RASEF: variants seen among roughly 807,000 people sequenced by gnomAD.
The protein encoded by RASEF is RAS and EF-hand domain containing, also known as ras and EF-hand domain-containing protein.
In RASEF, 68 loss-of-function variants were observed where a neutral mutation model predicts 90.1. The ratio of observed to expected loss-of-function variants is 0.75; its 90% CI spans 0.62 to 0.92. RASEF has a LOEUF of 0.92. RASEF is among the 40% of genes least tolerant of loss of function. RASEF has a pLI of 0.00. For synonymous variants in RASEF, 331 were observed against 345.2 expected (o/e 0.96, Z 0.46); for missense variants, 949 against 937.2 (o/e 1.01, Z -0.16).
At chr9:83,070,942 A>G in the RASEF span, among the ~76,000 whole-genome samples, 4 of 152,304 alleles carry the variant, frequency 2.6e-5, no homozygotes, top group East Asian at 5.8e-4. Flanking sequence ...ATAAAAATTC[A>G]GTTGATTTTT....
chr9:82,988,249 A>AGCTG (rs1474519796), intron 16 of RASEF, among the ~76,000 whole-genome samples: 1 of 152,240 alleles, frequency 6.6e-6, no homozygotes, highest in Non-Finnish European at 1.5e-5. Context: ...GAGCCAAAAT[A>AGCTG]GCTGGTGTTC....
At chr9:83,140,422 G>T in the RASEF span, among the ~76,000 whole-genome samples, 1 of 152,164 alleles carries the variant, frequency 6.6e-6, no homozygotes, top group Non-Finnish European at 1.5e-5. Flanking sequence ...GTAATGGGAA[G>T]AAAAGTAGTC....
the RASEF span, among the ~76,000 whole-genome samples, chr9:83,103,295 A>T: frequency 6.6e-6 from 1 of 152,192 alleles, no homozygotes; most frequent in Non-Finnish European, 1.5e-5. Flanking sequence ...ATTAGTGATG[A>T]TAATATCTAC....
intron 1 of RASEF, among the ~76,000 whole-genome samples, chr9:83,060,585 G>C (rs1450992106): frequency 6.6e-6 from 1 of 152,148 alleles, no homozygotes; most frequent in Non-Finnish European, 1.5e-5. Context: ...AAATAATGCC[G>C]ACAGCATTAT....
At chr9:83,206,017 C>T in the RASEF span, among the ~76,000 whole-genome samples, 1 of 152,224 alleles carries the variant, frequency 6.6e-6, no homozygotes, top group South Asian at 2.1e-4. Flanking sequence ...TTTTATTTTG[C>T]AGATATCCTC....
chr9:83,160,958 A>G, the RASEF span, among the ~76,000 whole-genome samples: 1 of 152,168 alleles, frequency 6.6e-6, no homozygotes, highest in African/African-American at 2.4e-5. Flanking sequence ...AGAAGTCAAG[A>G]ACTGAGGTTT....
At chr9:83,023,214 A>G (rs1415122321) in intron 2 of RASEF, among the ~76,000 whole-genome samples, 1 of 152,216 alleles carries the variant, frequency 6.6e-6, no homozygotes, top group Admixed American at 6.5e-5. Flanking sequence ...GATCTCAATC[A>G]TTATTCTTAT....
chr9:83,040,287 G>A (rs1274191555), intron 1 of RASEF, among the ~76,000 whole-genome samples: 1 of 152,124 alleles, frequency 6.6e-6, no homozygotes, highest in African/African-American at 2.4e-5. Flanking sequence ...CAGCTGAATG[G>A]CTAAACCAAT....
the RASEF span, among the ~76,000 whole-genome samples, chr9:83,110,513 A>T: frequency 6.6e-6 from 1 of 152,130 alleles, no homozygotes; most frequent in Non-Finnish European, 1.5e-5. Context: ...CTAGCACCTT[A>T]ACTTAGAATG....
the RASEF span, among the ~76,000 whole-genome samples, chr9:83,212,683 C>T: frequency 6.6e-6 from 1 of 152,314 alleles, no homozygotes; most frequent in East Asian, 1.9e-4. Context: ...CCTCCCAGCT[C>T]CTCTGCAGGG....
At chr9:83,092,418 T>C in the RASEF span, among the ~76,000 whole-genome samples, 1 of 152,206 alleles carries the variant, frequency 6.6e-6, no homozygotes, top group Non-Finnish European at 1.5e-5. Flanking sequence ...TTCTTCCTTC[T>C]GGTGGGTTCG....
At chr9:83,027,994 C>T (rs762674881) in intron 1 of RASEF, among the ~76,000 whole-genome samples, 6 of 152,112 alleles carry the variant, frequency 3.9e-5, no homozygotes, top group South Asian at 2.1e-4. Flanking sequence ...AGGCTGTGAC[C>T]GGGTTGTGAC....
the RASEF span, among the ~76,000 whole-genome samples, chr9:83,141,463 C>T: frequency 2.6e-5 from 4 of 152,144 alleles, no homozygotes; most frequent in East Asian, 3.8e-4. Flanking sequence ...CATGAAAAGG[C>T]GAGACTTCTG....
the RASEF span, among the ~76,000 whole-genome samples, chr9:83,129,628 A>C: frequency 1.1e-4 from 16 of 152,338 alleles, no homozygotes; most frequent in Admixed American, 8.5e-4. Flanking sequence ...TCTCCTCCTT[A>C]AGCTAGGCTT....
chr9:83,104,122 C>G, the RASEF span, among the ~76,000 whole-genome samples: 1 of 152,142 alleles, frequency 6.6e-6, no homozygotes, highest in African/African-American at 2.4e-5. Flanking sequence ...GTGAAAATTT[C>G]TGTAAGACTT....
At chr9:83,030,356 CAAAA>C (rs762391284) in intron 1 of RASEF, among the ~76,000 whole-genome samples, 1 of 110,270 alleles carries the variant, frequency 9.1e-6, no homozygotes, top group African/African-American at 3.4e-5. Flanking sequence ...GACTCCGTCA[CAAAA>C]AAAAAAAAAA....
the RASEF span, among the ~76,000 whole-genome samples, chr9:83,100,646 T>C: frequency 6.6e-6 from 1 of 152,156 alleles, no homozygotes; most frequent in African/African-American, 2.4e-5. Flanking sequence ...TGATAACAAA[T>C]CAGAAAGCCT....
the RASEF span, among the ~76,000 whole-genome samples, chr9:83,171,787 T>G: frequency 6.6e-6 from 1 of 151,820 alleles, no homozygotes; most frequent in Non-Finnish European, 1.5e-5. Context: ...GTCTCTGGTT[T>G]TATTTAATTT....
the RASEF span, among the ~76,000 whole-genome samples, chr9:83,191,627 A>C: frequency 1.3e-5 from 2 of 152,188 alleles, no homozygotes; most frequent in Non-Finnish European, 2.9e-5. Context: ...AGCCCCTTCC[A>C]CACCAACCCT....
Sources: allele counts gnomAD v4.1 joint callset (sites outside exome capture counted in the v4.1 genomes callset), GRCh38; gene constraint gnomAD v4.1.1; transcripts MANE v1.5; gene names NCBI Gene and HGNC (gene_info 2026-07-23, HGNC 2026-07-21).